The following COL24A1 variants were observed in gnomAD, a reference collection of about 807,000 sequenced individuals.
COL24A1 encodes the protein collagen type XXIV alpha 1 chain.
COL24A1 carries 224 observed loss-of-function variants against 253.9 expected under a neutral mutation model. The observed-to-expected ratio is 0.88, with a 90% CI of 0.79 to 0.99. The LOEUF (loss-of-function observed/expected upper bound fraction) is 0.99. COL24A1 is among the 50% of genes least tolerant of loss of function. The pLI, the probability that COL24A1 is intolerant of heterozygous loss-of-function variation, is 0.00. For missense variants in COL24A1, 2,131 were observed against 2,068.5 expected (o/e 1.03, Z -0.59); for synonymous variants, 685 against 673.7 (o/e 1.02, Z -0.26).
At chr1:86,132,290 A>G (rs944119032) in intron 2 of COL24A1, among the ~76,000 whole-genome samples, 9 of 152,144 alleles carry the variant, frequency 5.9e-5, no homozygotes, top group African/African-American at 2.2e-4. Context: ...AGTAGATTGC[A>G]AAAATTTTCT....
chr1:85,801,624 CT>C (rs1671441819), intron 47 of COL24A1, among the ~76,000 whole-genome samples: 2 of 152,298 alleles, frequency 1.3e-5, no homozygotes, highest in South Asian at 4.1e-4. Flanking sequence ...TCCCAGCACT[CT>C]TTGTTGACTT....
intron 3 of COL24A1, among the ~76,000 whole-genome samples, chr1:86,122,489 T>C (rs1033179950): frequency 7.2e-5 from 11 of 152,070 alleles, no homozygotes; most frequent in Middle Eastern, 3.4e-3. Flanking sequence ...AGCCTTGACA[T>C]CTATTCTTTA....
At chr1:85,910,450 A>C (rs1685253476) in intron 25 of COL24A1, among the ~76,000 whole-genome samples, 1 of 151,958 alleles carries the variant, frequency 6.6e-6, no homozygotes, top group East Asian at 1.9e-4. Context: ...TAAGTGCCAT[A>C]AGAAATAAGT....
chr1:85,868,747 T>C (rs373208349), intron 36 of COL24A1, 35 bp downstream of exon 36: 16 of 1,436,192 alleles, frequency 1.1e-5, no homozygotes, highest in Admixed American at 4.2e-5. Flanking sequence ...TTACAAAACA[T>C]CTATTTTATA....
chr1:86,019,017 C>G (rs1234554720), intron 18 of COL24A1, among the ~76,000 whole-genome samples: 1 of 152,060 alleles, frequency 6.6e-6, no homozygotes, highest in East Asian at 1.9e-4. Flanking sequence ...TTAGTAACAC[C>G]AACCTCTTAG....
chr1:85,833,009 T>C (rs982768982), intron 43 of COL24A1, among the ~76,000 whole-genome samples: 8 of 151,966 alleles, frequency 5.3e-5, no homozygotes, highest in African/African-American at 1.9e-4. Context: ...TGTGCCAGTT[T>C]TCAAAGGGAA....
chr1:85,849,367 G>A lies in COL24A1; in HGVS notation c.3340C>T (p.Arg1114Cys), dbSNP rs1052796637. The A allele has an allele frequency of 3.1e-6, 5 of 1,611,840 alleles. No homozygotes were observed. Among genetic ancestry groups the A allele is most frequent in the South Asian group, 1.1e-5 (1 of 90,812 alleles). The change falls in exon 38 of 60, where the codon CGT becomes TGT. Residue 1114 changes from arginine (R) to cysteine (C), a missense_variant. Physicochemically the swap from Arg to Cys is radical, Grantham distance 180. Transcript: ENST00000370571. ...GIVGIPGQRGRPGKKGDKGQI... is the reference protein window; with the variant it reads ...GIVGIPGQRGCPGKKGDKGQI... ...TAAAAAATTACCTTTTTTCCTGGACGACCTCTTTGCCCTGGAATTCCCACA... is the reference window on the plus strand; with the variant it reads ...TAAAAAATTACCTTTTTTCCTGGACAACCTCTTTGCCCTGGAATTCCCACA...
At chr1:85,876,463 G>A (rs927851052) in intron 33 of COL24A1, among the ~76,000 whole-genome samples, 5 of 152,116 alleles carry the variant, frequency 3.3e-5, no homozygotes, top group Admixed American at 3.3e-4. Flanking sequence ...TATCTAGGTG[G>A]ATGTTTAAAA....
intron 55 of COL24A1, among the ~76,000 whole-genome samples, chr1:85,760,214 A>C (rs1666714353): frequency 1.3e-5 from 2 of 152,178 alleles, no homozygotes; most frequent in Non-Finnish European, 2.9e-5. Flanking sequence ...CTGGGATTAC[A>C]GGCATGTGCC....
intron 2 of COL24A1, among the ~76,000 whole-genome samples, chr1:86,126,935 T>C (rs1342782496): frequency 1.3e-5 from 2 of 152,156 alleles, no homozygotes; most frequent in Non-Finnish European, 2.9e-5. Flanking sequence ...CCAAAGATAA[T>C]TGTGATTTGG....
chr1:85,807,563 G>A (rs747213558), intron 47 of COL24A1, among the ~76,000 whole-genome samples: 9 of 152,184 alleles, frequency 5.9e-5, no homozygotes, highest in Non-Finnish European at 1.3e-4. Context: ...ATATACCATA[G>A]TGTACTAGAA....
intron 47 of COL24A1, among the ~76,000 whole-genome samples, chr1:85,803,885 T>A (rs553623393): frequency 1.6e-4 from 24 of 152,178 alleles, no homozygotes; most frequent in Admixed American, 1.1e-3. Flanking sequence ...TACAACCTCA[T>A]TGAATTGACT....
chr1:85,877,971 T>A (rs745592904), intron 32 of COL24A1, among the ~76,000 whole-genome samples: 1 of 152,220 alleles, frequency 6.6e-6, no homozygotes, highest in Non-Finnish European at 1.5e-5. Context: ...GTTGGAATCA[T>A]ACAGCATGTA....
intron 19 of COL24A1, among the ~76,000 whole-genome samples, chr1:85,989,474 C>T (rs190444259): frequency 1.3e-5 from 2 of 152,078 alleles, no homozygotes. Context: ...CCCTCCACAA[C>T]CCTAGGGCAA....
intron 19 of COL24A1, among the ~76,000 whole-genome samples, chr1:85,998,518 G>A (rs74097648): frequency 0.017 from 2,562 of 152,254 alleles, 80 homozygotes; most frequent in African/African-American, 0.058. Context: ...GAAAAGGAAT[G>A]TATCTGACCC....
At chr1:85,994,146 C>A (rs1694550731) in intron 19 of COL24A1, among the ~76,000 whole-genome samples, 1 of 151,006 alleles carries the variant, frequency 6.6e-6, no homozygotes. Flanking sequence ...GTTTATAAGT[C>A]TGAACAAAGT....
At chr1:86,149,637 T>C (rs1019178316) in intron 1 of COL24A1, among the ~76,000 whole-genome samples, 1 of 152,158 alleles carries the variant, frequency 6.6e-6, no homozygotes, top group African/African-American at 2.4e-5. Context: ...TAAAAATAAC[T>C]AATGACAAGT....
intron 33 of COL24A1, among the ~76,000 whole-genome samples, 191 bp from the exon 34 acceptor site, chr1:85,875,521 C>T (rs994696415): frequency 1.3e-5 from 2 of 152,136 alleles, no homozygotes; most frequent in Admixed American, 1.3e-4. Flanking sequence ...ACAACTTCGT[C>T]TAAAATTAGG....
At position 85,970,230 on chromosome 1, in the gene COL24A1, T is replaced by C; in HGVS notation, c.2460A>G (p.Pro820=). Residue 820 remains proline (P), a synonymous_variant, in exon 22 of 60, where the codon CCA becomes CCG. Coordinates refer to ENST00000370571, the MANE Select transcript of COL24A1 (RefSeq NM_152890.7). ...AAATTATTTATATGATACCTACTCT[T>C]GGCCCCAGTTCCCCAAAGGCTCCAA... is the stretch of plus-strand genomic sequence containing the variant. ...GPIGAFGELG[P]RGKPGQKGYA... 1 of 1,594,166 alleles carries C rather than the reference T, an allele frequency of 6.3e-7. No individual in the cohort carries two copies. Among genetic ancestry groups the C allele is most frequent in the Non-Finnish European group, 8.5e-7 (1 of 1,171,338 alleles).
Sources: gnomAD v4.1 joint callset for allele counts (sites outside exome capture counted in the v4.1 genomes callset) on GRCh38, gnomAD v4.1.1 for gene constraint, MANE v1.5 for transcripts, NCBI Gene and HGNC (gene_info 2026-07-23, HGNC 2026-07-21) for gene names.